The following COG2 variants were observed in gnomAD, a reference collection of about 807,000 sequenced individuals.
COG2 encodes conserved oligomeric Golgi complex subunit 2.
In COG2, 52 loss-of-function variants were observed where a neutral mutation model predicts 90.6. The ratio of observed to expected loss-of-function variants is 0.57; its 90% CI spans 0.46 to 0.72. The LOEUF (loss-of-function observed/expected upper bound fraction) is 0.72, where lower values mean the gene tolerates loss of function less well. Among genes scored for constraint, COG2 ranks in the 30% least tolerant of loss-of-function variants. COG2 has a pLI of 0.00. For missense variants in COG2, 829 were observed against 891.2 expected (o/e 0.93, Z 0.89); for synonymous variants, 337 against 320.4 (o/e 1.05, Z -0.55).
rs780089784 is a variant in COG2 at position 230,642,653 on chromosome 1, G to A, written c.47G>A (p.Cys16Tyr). 9 of 1,613,136 alleles carry A rather than the reference G, an allele frequency of 5.6e-6. No individual in the cohort carries two copies. The highest frequency in any genetic ancestry group is 1.3e-5 in the African/African-American group (1 of 75,024). Residue 16 changes from cysteine (C) to tyrosine (Y), a missense_variant, in exon 1 of 18, where the codon TGC becomes TAC. By Grantham distance (194) the Cys-to-Tyr change is radical. Transcript: ENST00000366669. The stretch of plus-strand genomic sequence containing the variant: ...CTGCCCAAGGGGCCGGACACGCTCT[G>A]CTTCGACAAGGACGAGTTCATGAAG... ...MNLPKGPDTL[C>Y]FDKDEFMKED...
intron 12 of COG2, 141 bp downstream of exon 12, chr1:230,685,377 T>G: frequency 6.4e-6 from 5 of 775,332 alleles, no homozygotes; most frequent in Non-Finnish European, 1.0e-5. Flanking sequence ...CAAGATTGTC[T>G]CCAGCTCTGT....
rs5781595 is a variant in COG2, at chr1:230,683,409, T to TAA, written c.1167-146_1167-145dup. On this transcript the variant is annotated intron_variant, in intron 10 of 17. Coordinates refer to ENST00000366669, the MANE Select transcript of COG2 (RefSeq NM_007357.3). Reference sequence around the variant, plus strand: ...GCTTAGTCACGATTTCTTGTTCAGTTAAAAAAAAAAAAAAAAAAAAGCCTG... The same window carrying TAA: ...GCTTAGTCACGATTTCTTGTTCAGTTAAAAAAAAAAAAAAAAAAAAAAGCCTG... 1.5e-3 allele frequency: 570 copies of TAA among 384,856 alleles called. 3 individuals are homozygous for TAA. Among genetic ancestry groups the TAA allele is most frequent in the African/African-American group, 0.012 (483 of 39,356 alleles). 23.8% of individuals were successfully genotyped at this position (384,856 alleles called of 1,614,324 possible).
intron 9 of COG2, among the ~76,000 whole-genome samples, chr1:230,675,983 A>G (rs1662582871): frequency 6.6e-6 from 1 of 152,166 alleles, no homozygotes; most frequent in Non-Finnish European, 1.5e-5. Flanking sequence ...CTCTTAAAAA[A>G]GAAATCATTA....
intron 17 of COG2, among the ~76,000 whole-genome samples, chr1:230,691,970 G>A (rs1663041657): frequency 6.6e-6 from 1 of 152,098 alleles, no homozygotes; most frequent in Admixed American, 6.5e-5. Flanking sequence ...AATCCTTTGA[G>A]CATAACTTCT....
At chr1:230,646,666 C>T (rs12072716) in intron 1 of COG2, among the ~76,000 whole-genome samples, 37,622 of 151,438 alleles carry the variant, frequency 0.25, 4,962 homozygotes, top group East Asian at 0.43. Flanking sequence ...ACCTCAAACT[C>T]GGCATATTTA....
chr1:230,643,423 C>G (rs1661677816), intron 1 of COG2, among the ~76,000 whole-genome samples: 1 of 152,118 alleles, frequency 6.6e-6, no homozygotes. Context: ...TGCACTTAAG[C>G]CATTCAAAAA....
chr1:230,691,596 G>A (rs763984056), intron 17 of COG2, 32 bp downstream of exon 17: 2 of 1,585,966 alleles, frequency 1.3e-6, no homozygotes, highest in Non-Finnish European at 1.7e-6. Flanking sequence ...GCTCCAGCGA[G>A]CCTGAAACCA....
intron 3 of COG2, chr1:230,661,671 A>G (rs1662182444): frequency 6.6e-6 from 1 of 152,140 alleles, no homozygotes; most frequent in South Asian, 2.1e-4. Context: ...CATTCAGTGC[A>G]TGTGTAGTGC....
At chr1:230,691,684 C>T in intron 17 of COG2, 120 bp downstream of exon 17, 1 of 932,092 alleles carries the variant, frequency 1.1e-6, no homozygotes, top group South Asian at 1.7e-5. Flanking sequence ...GAATTGCTTC[C>T]TGTGTTAAGA....
intron 16 of COG2, among the ~76,000 whole-genome samples, chr1:230,690,755 T>G (rs997123083): frequency 6.6e-5 from 10 of 152,222 alleles, no homozygotes; most frequent in Non-Finnish European, 1.5e-4. Context: ...TTACTTAAGA[T>G]TTAAGTGGCC....
chr1:230,693,505 T>C lies in COG2; in HGVS notation c.*112T>C. 4 of 648,850 alleles carry C rather than the reference T, an allele frequency of 6.2e-6. No homozygotes were observed. The highest frequency in any genetic ancestry group is 2.1e-5 in the South Asian group (1 of 47,846). 40.2% of individuals were successfully genotyped at this position (648,850 alleles called of 1,614,324 possible). A position where few individuals can be genotyped will look rare whatever the true frequency, so the allele number is the denominator to read the frequency against. On this transcript the variant is annotated 3_prime_UTR_variant, in exon 18 of 18. Transcript: ENST00000366669. The stretch of plus-strand genomic sequence containing the variant: ...TTAGCAACCGTCTGTAGCAAAGAAG[T>C]GCTTCCAGCATCACTCCAGCAACAC...
At chr1:230,646,027 A>G (rs1047078246) in intron 1 of COG2, among the ~76,000 whole-genome samples, 1 of 152,044 alleles carries the variant, frequency 6.6e-6, no homozygotes, top group African/African-American at 2.4e-5. Context: ...TCTGCCTCCC[A>G]TGCCTGGATC....
chr1:230,669,308 A>G lies in COG2; in HGVS notation c.595-48A>G, dbSNP rs142564214. On this transcript the variant is annotated intron_variant, in intron 6 of 17. Transcript: ENST00000366669. The stretch of plus-strand genomic sequence containing the variant: ...TATATATCTACTTGCAGTTTCAGAA[A>G]CTGTTACAACTAGAGCTTTTTTTTT... 4.9e-5 allele frequency: 75 copies of G among 1,541,898 alleles called. 1 individual carries two copies. Among genetic ancestry groups the G allele is most frequent in the South Asian group, 9.7e-5 (8 of 82,718 alleles).
In COG2 at chr1:230,688,444, C is replaced by G. The variant is rs535182609; in HGVS notation, c.1676C>G (p.Ser559Cys). 2.5e-6 allele frequency: 4 copies of G among 1,613,994 alleles called. No homozygotes were observed. In the South Asian group the frequency reaches 4.4e-5, roughly 18 times the overall value. Residue 559 changes from serine to cysteine, a missense_variant, in exon 15 of 18, where the codon TCT (serine) becomes TGT (cysteine). Coordinates refer to ENST00000366669, the MANE Select transcript of COG2 (RefSeq NM_007357.3). ...GCAGCCCTGGAGGACTCCCAGAGCT[C>G]TTTTTCAGCCTGTGTGCCCTCCTTG... ...ISAALEDSQS[S>C]FSACVPSLSS...
chr1:230,660,728 T>C (rs1267794475), intron 2 of COG2, 30 bp from the exon 3 acceptor site: 2 of 1,517,186 alleles, frequency 1.3e-6, no homozygotes, highest in South Asian at 1.2e-5. Flanking sequence ...GATTGTGAGG[T>C]GTGTGTGCCA....
In COG2 at chr1:230,693,869, C is replaced by T. The variant is rs1228868216; in HGVS notation, c.*476C>T. The T allele has an allele frequency of 1.3e-5, 2 of 152,302 alleles. No homozygotes were observed. Among genetic ancestry groups the T allele is most frequent in the African/African-American group, 2.4e-5 (1 of 41,462 alleles). The allele number at this position is 152,302 out of a possible 1,614,324, so 9.4% of individuals were successfully genotyped here. The stretch of plus-strand genomic sequence containing the variant: ...TAAAGAGGCTGCGGGAAGCCATCCT[C>T]CACTCCCACTGTGTGTGAGAGCAGT... On this transcript the variant is annotated 3_prime_UTR_variant, in exon 18 of 18. Coordinates refer to ENST00000366669, the MANE Select transcript of COG2 (RefSeq NM_007357.3).
At chr1:230,646,838 C>G (rs1661798586) in intron 1 of COG2, among the ~76,000 whole-genome samples, 1 of 152,060 alleles carries the variant, frequency 6.6e-6, no homozygotes, top group African/African-American at 2.4e-5. Flanking sequence ...CACCTCTCTC[C>G]TTCACATTCT....
At position 230,685,190 on chromosome 1, in the gene COG2, G is replaced by T. The variant is rs751081258; in HGVS notation, c.1334G>T (p.Arg445Ile). Residue 445 changes from arginine to isoleucine, a missense_variant, in exon 12 of 18, where the codon AGA (arginine) becomes ATA (isoleucine). Arg to Ile is a moderately conservative substitution (Grantham distance 97, BLOSUM62 -3). Coordinates refer to ENST00000366669, the MANE Select transcript of COG2 (RefSeq NM_007357.3). The stretch of plus-strand genomic sequence containing the variant: ...CCATTACTGGTGCATCGCCTGTGGA[G>T]ACTCACTCTGCAGATTTTGGCACGA... Reference protein sequence around the residue: ...FLPLLVHRLWRLTLQILARYS... With the variant: ...FLPLLVHRLWILTLQILARYS... The T allele has an allele frequency of 6.2e-7, 1 of 1,614,188 alleles. No homozygotes were observed.
chr1:230,646,485 G>C (rs1449688869), intron 1 of COG2, among the ~76,000 whole-genome samples: 2 of 152,090 alleles, frequency 1.3e-5, no homozygotes, highest in East Asian at 3.9e-4. Flanking sequence ...ACTCAGCCAC[G>C]TGTCTGTTCC....
Sources: gnomAD v4.1 joint callset for allele counts (sites outside exome capture counted in the v4.1 genomes callset) on GRCh38, gnomAD v4.1.1 for gene constraint, MANE v1.5 for transcripts, NCBI Gene and HGNC (gene_info 2026-07-23, HGNC 2026-07-21) for gene names.